Variants in SLC35A1 observed in about 807,000 individuals in gnomAD.
The protein encoded by SLC35A1 is CMP-sialic acid transporter.
SLC35A1 carries 21 observed loss-of-function variants against 40.3 expected under a neutral mutation model. The observed-to-expected ratio is 0.52, with a 90% CI of 0.37 to 0.75. The LOEUF is 0.75. SLC35A1 is among the 30% of genes least tolerant of loss of function. The pLI, the probability that SLC35A1 is intolerant of heterozygous loss-of-function variation, is 0.00. For synonymous variants in SLC35A1, 146 were observed against 147.3 expected (o/e 0.99, Z 0.06); for missense variants, 297 against 382.1 (o/e 0.78, Z 1.86).
chr6:87,476,878 T>C (rs1171895850), intron 1 of SLC35A1, among the ~76,000 whole-genome samples: 3 of 151,576 alleles, frequency 2.0e-5, no homozygotes, highest in Admixed American at 2.0e-4. Flanking sequence ...ATGCAAAAAA[T>C]TAGCTGGCTG....
rs1554166062 is a variant in SLC35A1 at position 87,497,196 on chromosome 6, G to GT, written c.195-3303dup. Among the ~76,000 whole-genome samples, 22 of 150,528 alleles carry GT rather than the reference G, an allele frequency of 1.5e-4. No homozygotes were observed. In the East Asian group the frequency reaches 2.9e-3, roughly 20 times the overall value. On this transcript the variant is annotated intron_variant, in intron 2 of 7. Transcript: ENST00000369552. ...TTTACTAGTTCTTTTAGCATCCTCTGTTTTTTTTTGTAACTTATTTCAAAA... is the reference window on the plus strand; with the variant it reads ...TTTACTAGTTCTTTTAGCATCCTCTGTTTTTTTTTTGTAACTTATTTCAAAA...
chr6:87,492,090 C>G (rs1769567629), intron 2 of SLC35A1, among the ~76,000 whole-genome samples: 1 of 152,094 alleles, frequency 6.6e-6, no homozygotes, highest in Non-Finnish European at 1.5e-5. Flanking sequence ...TTCTTTGTCC[C>G]TAACGTTCTT....
chr6:87,490,652 C>T (rs1432738056), intron 2 of SLC35A1, among the ~76,000 whole-genome samples: 3 of 152,072 alleles, frequency 2.0e-5, no homozygotes. Flanking sequence ...GGTAAAAGAA[C>T]AGAAGGCAAC....
In SLC35A1 at chr6:87,511,413, C is replaced by T. The variant is rs759556913; in HGVS notation, c.901C>T (p.Leu301=). ...TTTCTTTTCAGCACTCACCTTTGCC[C>T]TGGGTACTCTTCTTGTATGTGTTTC... ...FGLQITLTFA[L]GTLLVCVSIY... The change falls in exon 8 of 8, where the codon CTG becomes TTG. Residue 301 remains leucine, a synonymous_variant. Transcript: ENST00000369552. 9.9e-6 allele frequency: 16 copies of T among 1,613,710 alleles called. No homozygotes were observed. Among genetic ancestry groups the T allele is most frequent in the Non-Finnish European group, 1.3e-5 (15 of 1,179,874 alleles).
At chr6:87,497,750 A>T (rs141816427) in intron 2 of SLC35A1, among the ~76,000 whole-genome samples, 1 of 151,982 alleles carries the variant, frequency 6.6e-6, no homozygotes, top group East Asian at 1.9e-4. Flanking sequence ...TTTAAAAGAG[A>T]TGGTATCTTA....
At chr6:87,495,740 G>C (rs2092649) in intron 2 of SLC35A1, among the ~76,000 whole-genome samples, 58,578 of 151,022 alleles carry the variant, frequency 0.39, 11,437 homozygotes, top group Admixed American at 0.47. Flanking sequence ...ACTGCAAGCT[G>C]TGCCTCCCGG....
rs1770154393 is a variant in SLC35A1 at position 87,508,459 on chromosome 6, C to G, written c.614C>G (p.Ser205Cys). ...FEKVLKSSDTSLWVRNIQMYL... is the reference protein window; with the variant it reads ...FEKVLKSSDTCLWVRNIQMYL... The stretch of plus-strand genomic sequence containing the variant: ...AAAGTTTTAAAGAGTTCAGATACTT[C>G]TCTTTGGGTGAGAAACATTCAAATG... Residue 205 changes from serine to cysteine, a missense_variant, in exon 6 of 8, where the codon TCT becomes TGT. Coordinates refer to ENST00000369552, the MANE Select transcript of SLC35A1 (RefSeq NM_006416.5). The G allele has an allele frequency of 6.2e-7, 1 of 1,611,728 alleles. No individual in the cohort carries two copies. Among genetic ancestry groups the G allele is most frequent in the African/African-American group, 1.3e-5 (1 of 74,872 alleles).
intron 7 of SLC35A1, among the ~76,000 whole-genome samples, chr6:87,509,438 A>C (rs558230067): frequency 6.6e-6 from 1 of 152,274 alleles, no homozygotes; most frequent in Admixed American, 6.5e-5. Context: ...TTTTGCAGTC[A>C]AGGCCTCCCT....
At chr6:87,492,568 T>G (rs1236661267) in intron 2 of SLC35A1, among the ~76,000 whole-genome samples, 3 of 146,836 alleles carry the variant, frequency 2.0e-5, no homozygotes, top group South Asian at 2.2e-4. Flanking sequence ...TTTTTTTGAG[T>G]TGGAGTTTCA....
rs749341894 is a variant in SLC35A1, at chr6:87,511,499, T to C, written c.987T>C (p.Ala329=). ...CATCCATCCAACAAGGAGAAACAGC[T>C]TCAAAGGAGAGAGTTATTGGTGTGT... ...DTTSIQQGET[A]SKERVIGV The change falls in exon 8 of 8, where the codon GCT becomes GCC. Residue 329 remains alanine (A), a synonymous_variant. Coordinates refer to ENST00000369552, the MANE Select transcript of SLC35A1 (RefSeq NM_006416.5). 6.2e-7 allele frequency: 1 copy of C among 1,614,040 alleles called. No individual in the cohort carries two copies. The highest frequency in any genetic ancestry group is 8.5e-7 in the Non-Finnish European group (1 of 1,179,982).
chr6:87,480,105 C>T (rs1010560333), intron 2 of SLC35A1, among the ~76,000 whole-genome samples: 1 of 152,214 alleles, frequency 6.6e-6, no homozygotes, highest in Admixed American at 6.5e-5. Flanking sequence ...ATTGACGGGT[C>T]ACCTCTTGGA....
In SLC35A1 at chr6:87,501,888, C is replaced by T. The variant is rs117839751; in HGVS notation, c.507+578C>T. On this transcript the variant is annotated intron_variant, in intron 4 of 7. Coordinates refer to ENST00000369552, the MANE Select transcript of SLC35A1 (RefSeq NM_006416.5). Reference sequence around the variant, plus strand: ...ACATAACAGATTTTTAAAGAGTTAACGCTAAGATACATACATGATTTTTTT... The same window carrying T: ...ACATAACAGATTTTTAAAGAGTTAATGCTAAGATACATACATGATTTTTTT... Among the ~76,000 whole-genome samples, 118 of 152,220 alleles carry T rather than the reference C, an allele frequency of 7.8e-4. No individual in the cohort carries two copies. The East Asian group carries it at 0.017, about 21-fold the overall frequency.
Position 87,511,645 on chromosome 6 carries a change from C to A in SLC35A1, c.*119C>A. On this transcript the variant is annotated 3_prime_UTR_variant, in exon 8 of 8. Transcript: ENST00000369552. ...AATTAACTGTATGGCATGATCAGTG[C>A]GGTTATGTGGAAACAACAACAAACA... The A allele has an allele frequency of 9.0e-7, 1 of 1,108,328 alleles. No individual in the cohort carries two copies. Among genetic ancestry groups the A allele is most frequent in the Non-Finnish European group, 1.4e-6 (1 of 725,148 alleles). The allele number at this position is 1,108,328 out of a possible 1,614,324, so 68.7% of individuals were successfully genotyped here.
At chr6:87,506,643 C>G (rs527394609) in intron 5 of SLC35A1, among the ~76,000 whole-genome samples, 195 bp downstream of exon 5, 3 of 152,280 alleles carry the variant, frequency 2.0e-5, no homozygotes, top group African/African-American at 7.2e-5. Context: ...GACTCAGTCC[C>G]TATTCATACT....
chr6:87,476,774 C>G (rs927717768), intron 1 of SLC35A1, among the ~76,000 whole-genome samples: 1 of 151,612 alleles, frequency 6.6e-6, no homozygotes, highest in Non-Finnish European at 1.5e-5. Flanking sequence ...ACCTGTAATT[C>G]CAGCACTTCA....
In SLC35A1 at chr6:87,500,566, C is replaced by G. The variant is rs1203243371; in HGVS notation, c.253C>G (p.Pro85Ala). The change falls in exon 3 of 8, where the codon CCC (proline) becomes GCC (alanine). Residue 85 changes from proline (P) to alanine (A), a missense_variant. By Grantham distance (27) the Pro-to-Ala change is conservative. Transcript: ENST00000369552. ...TTTAAGAGAAAATGTCTTGGGGAGCCCCAAGGAACTGTTGAAGTTAAGTGT... is the reference window on the plus strand; with the variant it reads ...TTTAAGAGAAAATGTCTTGGGGAGCGCCAAGGAACTGTTGAAGTTAAGTGT... ...ASLRENVLGS[P>A]KELLKLSVPS... 6.2e-7 allele frequency: 1 copy of G among 1,613,942 alleles called. No individual in the cohort carries two copies. The highest frequency in any genetic ancestry group is 2.2e-5 in the East Asian group (1 of 44,862).
chr6:87,477,829 G>A (rs573513641), intron 2 of SLC35A1, among the ~76,000 whole-genome samples: 87 of 152,260 alleles, frequency 5.7e-4, no homozygotes, highest in African/African-American at 1.8e-3. Flanking sequence ...GTTGAAGAAC[G>A]CTGCTGTAGA....
chr6:87,485,556 G>C (rs952390689), intron 2 of SLC35A1, among the ~76,000 whole-genome samples: 4 of 152,020 alleles, frequency 2.6e-5, no homozygotes, highest in Non-Finnish European at 5.9e-5. Flanking sequence ...TTGAGCCCAG[G>C]AGTTGGAGAC....
intron 2 of SLC35A1, among the ~76,000 whole-genome samples, chr6:87,483,647 C>T (rs927256281): frequency 6.6e-6 from 1 of 152,094 alleles, no homozygotes; most frequent in Non-Finnish European, 1.5e-5. Context: ...TCTTGCCTTG[C>T]CTGCCGTGGA....
Sources: allele counts gnomAD v4.1 joint callset (sites outside exome capture counted in the v4.1 genomes callset), GRCh38; gene constraint gnomAD v4.1.1; transcripts MANE v1.5; gene names NCBI Gene and HGNC (gene_info 2026-07-23, HGNC 2026-07-21).